LRRC28: variants seen among roughly 807,000 people sequenced by gnomAD.
The protein encoded by LRRC28 is leucine-rich repeat-containing protein 28.
In LRRC28, 39 loss-of-function variants were observed where a neutral mutation model predicts 45.7. The ratio of observed to expected loss-of-function variants is 0.85; its 90% CI spans 0.66 to 1.12. LRRC28 has a LOEUF of 1.12. Ranked by LOEUF, LRRC28 falls within the 50% of genes most tolerant of loss-of-function variation. The pLI, the probability that LRRC28 is intolerant of heterozygous loss-of-function variation, is 0.00. For synonymous variants in LRRC28, 206 were observed against 178.8 expected (o/e 1.15, Z -1.22); for missense variants, 435 against 438.5 (o/e 0.99, Z 0.07).
rs2080772587 is a variant in LRRC28, at chr15:99,251,517, G to A, written c.-85G>A. On this transcript the variant is annotated 5_prime_UTR_variant, in exon 1 of 10. Coordinates refer to ENST00000301981, the MANE Select transcript of LRRC28 (RefSeq NM_144598.5). ...GGCTTCCAGCGCCGCTTGCGCTCCG[G>A]AGCGCTGGCTCTGCTGGCGCTGAGG... 6.6e-6 allele frequency: 1 copy of A among 152,230 alleles called. No homozygotes were observed. The highest frequency in any genetic ancestry group is 2.4e-5 in the African/African-American group (1 of 41,438). 9.4% of individuals were successfully genotyped at this position (152,230 alleles called of 1,614,324 possible). A position where few individuals can be genotyped will look rare whatever the true frequency, so the allele number is the denominator to read the frequency against.
At chr15:99,368,533 C>T (rs902480850) in intron 9 of LRRC28, among the ~76,000 whole-genome samples, 52 of 152,276 alleles carry the variant, frequency 3.4e-4, no homozygotes, top group African/African-American at 1.2e-3. Context: ...AGAGGTTGCC[C>T]TGCCCCTGGA....
In LRRC28 at chr15:99,337,596, A is replaced by G. The variant is rs191430756; in HGVS notation, c.592+3467A>G. On this transcript the variant is annotated intron_variant, in intron 6 of 9. Coordinates refer to ENST00000301981, the MANE Select transcript of LRRC28 (RefSeq NM_144598.5). ...CTGTCTCTAGGTTTCTTGTCACTCC[A>G]AAGCCTTGCCTCTGTGTCAGGAGCA... Among the ~76,000 whole-genome samples the G allele has an allele frequency of 2.7e-4, 41 of 152,356 alleles. No homozygotes were observed. In the East Asian group the frequency reaches 7.7e-3, roughly 29 times the overall value.
intron 6 of LRRC28, 129 bp downstream of exon 6, chr15:99,334,258 T>C: frequency 9.7e-7 from 1 of 1,034,526 alleles, no homozygotes; most frequent in South Asian, 1.6e-5. Context: ...AAGTTTGTTT[T>C]TGCAGTGAAC....
Position 99,256,000 on chromosome 15 carries a change from GAA to G in LRRC28, c.46_47del (p.Lys16AlafsTer9). The G allele has an allele frequency of 6.2e-7, 1 of 1,613,104 alleles. No individual in the cohort carries two copies. Reference protein sequence around the residue: ...LCKTISVARLEKHKNLFLNYR... With the variant: ...LCKTISVARLXKHKNLFLNYR... ...TAAGACGATCTCTGTGGCAAGGCTA[GAA>G]AAGCACAAGAATTTGTTCTTAAATT... On this transcript the variant is annotated frameshift_variant, in exon 2 of 10. Coordinates refer to ENST00000301981, the MANE Select transcript of LRRC28 (RefSeq NM_144598.5). LOFTEE classifies it high-confidence loss of function.
rs145525037 is a variant in LRRC28 at position 99,286,375 on chromosome 15, G to A, written c.210-882G>A. Among the ~76,000 whole-genome samples, 51 of 152,176 alleles carry A rather than the reference G, an allele frequency of 3.4e-4. No homozygotes were observed. In the East Asian group the frequency reaches 9.7e-3, roughly 29 times the overall value. ...GCGAACTCCTGAGGTCAGGCAATCC[G>A]CCCTCCTTGCCTCCCAAAGTGCTGG... is the stretch of plus-strand genomic sequence containing the variant. On this transcript the variant is annotated intron_variant, in intron 3 of 9. Transcript: ENST00000301981.
At chr15:99,254,386 T>C (rs1394346887) in intron 1 of LRRC28, among the ~76,000 whole-genome samples, 1 of 152,154 alleles carries the variant, frequency 6.6e-6, no homozygotes, top group Non-Finnish European at 1.5e-5. Flanking sequence ...AGCCAGAAAA[T>C]TACAAAACTC....
At chr15:99,312,316 T>G (rs1955443469) in intron 5 of LRRC28, among the ~76,000 whole-genome samples, 1 of 152,212 alleles carries the variant, frequency 6.6e-6, no homozygotes, top group African/African-American at 2.4e-5. Context: ...TGTGACTTTA[T>G]TGTTAAAAAC....
chr15:99,308,393 A>G (rs544636740), intron 5 of LRRC28, among the ~76,000 whole-genome samples: 1 of 152,132 alleles, frequency 6.6e-6, no homozygotes, highest in Non-Finnish European at 1.5e-5. Flanking sequence ...GTGACAGATC[A>G]TGGTGGCTCA....
chr15:99,372,795 A>G (rs956567323), intron 9 of LRRC28, among the ~76,000 whole-genome samples: 4 of 152,162 alleles, frequency 2.6e-5, no homozygotes, highest in Admixed American at 2.0e-4. Context: ...GAAATACCCA[A>G]GACTGGGTAA....
chr15:99,328,722 A>G (rs990208295), intron 5 of LRRC28, among the ~76,000 whole-genome samples: 1 of 148,770 alleles, frequency 6.7e-6, no homozygotes, highest in African/African-American at 2.5e-5. Flanking sequence ...ACAAATACTG[A>G]AGGTGAATTG....
intron 9 of LRRC28, among the ~76,000 whole-genome samples, chr15:99,379,619 T>C (rs1957754993): frequency 6.6e-6 from 1 of 152,260 alleles, no homozygotes; most frequent in Non-Finnish European, 1.5e-5. Flanking sequence ...TCTAATTCTT[T>C]TAATTGTGAT....
rs1159205116 is a variant in LRRC28 at position 99,387,310 on chromosome 15, TC to T, written c.*1209del. On this transcript the variant is annotated 3_prime_UTR_variant, in exon 10 of 10. Coordinates refer to ENST00000301981, the MANE Select transcript of LRRC28 (RefSeq NM_144598.5). Reference sequence around the variant, plus strand: ...CTCCTGACCTCGTGATCCGCACGCCTCGGCCTCCCAAAGTGCTGGGATTACA... The same window carrying T: ...CTCCTGACCTCGTGATCCGCACGCCTGGCCTCCCAAAGTGCTGGGATTACA... 1 of 152,080 alleles carries T rather than the reference TC, an allele frequency of 6.6e-6. No individual in the cohort carries two copies. Among genetic ancestry groups the T allele is most frequent in the African/African-American group, 2.4e-5 (1 of 41,392 alleles). The allele number at this position is 152,080 out of a possible 1,614,324, so 9.4% of individuals were successfully genotyped here.
chr15:99,302,910 G>C (rs902463383), intron 5 of LRRC28, among the ~76,000 whole-genome samples: 5 of 152,160 alleles, frequency 3.3e-5, no homozygotes, highest in African/African-American at 1.2e-4. Context: ...TTCATCAGTT[G>C]TTTATTTAGG....
chr15:99,274,803 A>G (rs544841070), intron 2 of LRRC28, among the ~76,000 whole-genome samples: 2 of 152,188 alleles, frequency 1.3e-5, no homozygotes, highest in East Asian at 1.9e-4. Context: ...CAGTTTCCCA[A>G]TTGTACTTGT....
chr15:99,289,939 C>CAAAAAA (rs398028517), intron 5 of LRRC28, among the ~76,000 whole-genome samples: 1 of 49,714 alleles, frequency 2.0e-5, no homozygotes, highest in Non-Finnish European at 3.4e-5. Flanking sequence ...GACTCCGTCT[C>CAAAAAA]AAAAAAAAAA....
At chr15:99,299,500 A>G (rs1188654906) in intron 5 of LRRC28, among the ~76,000 whole-genome samples, 2 of 152,238 alleles carry the variant, frequency 1.3e-5, no homozygotes, top group Non-Finnish European at 2.9e-5. Flanking sequence ...TATTTAATAT[A>G]CAGAATGTTT....
chr15:99,370,279 T>C (rs997755071), intron 9 of LRRC28, among the ~76,000 whole-genome samples: 4 of 152,084 alleles, frequency 2.6e-5, no homozygotes, highest in Non-Finnish European at 4.4e-5. Flanking sequence ...AAATAATGAG[T>C]TTAAATATAC....
In LRRC28 at chr15:99,363,184, G is replaced by T. The variant is rs146149070; in HGVS notation, c.950G>T (p.Arg317Leu). The T allele has an allele frequency of 1.7e-5, 27 of 1,613,880 alleles. No homozygotes were observed. The African/African-American group carries it at 3.3e-4, about 20-fold the overall frequency. ...LLHCPLGHCH[R>L]CSEPMFTIVY... is the part of the protein sequence containing the mutation. The stretch of plus-strand genomic sequence containing the variant: ...CACTGCCCTCTGGGGCACTGTCATC[G>T]GTGTAGTGAGCCTATGTTTACCATC... The change falls in exon 9 of 10, where the codon CGG becomes CTG. Residue 317 changes from arginine (R) to leucine (L), a missense_variant. Physicochemically the swap from Arg to Leu is moderately radical, Grantham distance 102 (BLOSUM62 -2). Coordinates refer to ENST00000301981, the MANE Select transcript of LRRC28 (RefSeq NM_144598.5).
intron 5 of LRRC28, among the ~76,000 whole-genome samples, chr15:99,324,104 A>G (rs1005103404): frequency 3.3e-5 from 5 of 152,174 alleles, no homozygotes; most frequent in Non-Finnish European, 7.4e-5. Flanking sequence ...GTGGGTGCCT[A>G]AAACCTCAAA....
Sources: allele counts gnomAD v4.1 joint callset (sites outside exome capture counted in the v4.1 genomes callset), GRCh38; gene constraint gnomAD v4.1.1; transcripts MANE v1.5; gene names NCBI Gene and HGNC (gene_info 2026-07-23, HGNC 2026-07-21).